Variants in FOXP2 observed in about 807,000 individuals in gnomAD.
The protein encoded by FOXP2 is forkhead box P2, also known as forkhead box protein P2.
In FOXP2, 12 loss-of-function variants were observed where a neutral mutation model predicts 115.8. The ratio of observed to expected loss-of-function variants is 0.10; its 90% CI spans 0.07 to 0.17. The LOEUF is 0.17. FOXP2 is among the 10% of genes least tolerant of loss of function. The pLI, the probability that FOXP2 is intolerant of heterozygous loss-of-function variation, is 1.00. For synonymous variants in FOXP2, 328 were observed against 297.7 expected, an observed-to-expected ratio of 1.10 and a Z score of -1.05; for missense variants, 629 against 843.5, an observed-to-expected ratio of 0.75 and a Z score of 3.15.
In FOXP2 at chr7:114,692,159, G is replaced by A. The variant is rs1281731348; in HGVS notation, c.*2233G>A. 2 of 453,824 alleles carry A rather than the reference G, an allele frequency of 4.4e-6. No individual in the cohort carries two copies. Among genetic ancestry groups the A allele is most frequent in the Admixed American group, 4.7e-5 (2 of 42,516 alleles). The allele number at this position is 453,824 out of a possible 1,614,324, so 28.1% of individuals were successfully genotyped here. A position where few individuals can be genotyped will look rare whatever the true frequency, so the allele number is the denominator to read the frequency against. ...TAAGGATTATCTGAAAGGAAAAATG[G>A]GTCTTTCAGGTGCATGTTCAAAAGG... On this transcript the variant is annotated 3_prime_UTR_variant, in exon 17 of 17. Transcript: ENST00000350908.
intron 3 of FOXP2, among the ~76,000 whole-genome samples, chr7:114,586,418 A>C (rs1291509984): frequency 6.6e-6 from 1 of 151,934 alleles, no homozygotes; most frequent in East Asian, 1.9e-4. Flanking sequence ...TAGTAATTTT[A>C]CTCTTCTATT....
intron 1 of FOXP2, among the ~76,000 whole-genome samples, chr7:114,228,367 C>G (rs1794793555): frequency 1.3e-5 from 2 of 152,070 alleles, no homozygotes; most frequent in Middle Eastern, 3.4e-3. Context: ...CCTTTATTAG[C>G]TTTTCATGTA....
intron 1 of FOXP2, among the ~76,000 whole-genome samples, chr7:114,154,340 T>C (rs935929372): frequency 4.6e-5 from 7 of 152,030 alleles, no homozygotes; most frequent in Non-Finnish European, 8.8e-5. Flanking sequence ...GGTGGGTTTT[T>C]TTTTTCCACC....
intron 1 of FOXP2, among the ~76,000 whole-genome samples, chr7:114,207,719 G>T (rs1167042081): frequency 1.3e-5 from 2 of 152,078 alleles, no homozygotes; most frequent in Admixed American, 6.5e-5. Flanking sequence ...AGTATGTTAA[G>T]GTTTATAGCA....
chr7:114,584,372 C>A (rs1802021955), intron 3 of FOXP2, among the ~76,000 whole-genome samples: 1 of 152,140 alleles, frequency 6.6e-6, no homozygotes, highest in Non-Finnish European at 1.5e-5. Flanking sequence ...CCACTGCAAA[C>A]AAGCACACAA....
rs201964342 is a variant in FOXP2 at position 114,530,067 on chromosome 7, A to AT, written c.169-4541dup. 1.1e-4 allele frequency among the ~76,000 whole-genome samples: 17 copies of AT among 151,142 alleles called. No individual in the cohort carries two copies. The South Asian group carries it at 1.9e-3, about 17-fold the overall frequency. On this transcript the variant is annotated intron_variant, in intron 2 of 16. Coordinates refer to ENST00000350908, the MANE Select transcript of FOXP2 (RefSeq NM_014491.4). ...CAAAAATCTGGGTGTCCTGCTGGCA[A>AT]TTTTTTTTTGGTTCTGGTTATCTGC...
chr7:114,382,431 G>A (rs576177371), intron 2 of FOXP2, among the ~76,000 whole-genome samples: 29 of 152,294 alleles, frequency 1.9e-4, no homozygotes, highest in Admixed American at 6.5e-5. Flanking sequence ...GACATAAGGG[G>A]CATGGACGAG....
At position 114,571,165 on chromosome 7, in the gene FOXP2, T is replaced by C. The variant is rs368587748; in HGVS notation, c.258+36459T>C. Among the ~76,000 whole-genome samples the C allele has an allele frequency of 3.3e-5, 5 of 152,028 alleles. No homozygotes were observed. In the South Asian group the frequency reaches 1.0e-3, roughly 31 times the overall value. On this transcript the variant is annotated intron_variant, in intron 3 of 16. Coordinates refer to ENST00000350908, the MANE Select transcript of FOXP2 (RefSeq NM_014491.4). ...ACACCACTATACTTTTCTTGAACTT[T>C]TAGGAATAATTTGATGAGGGAGTGT...
intron 1 of FOXP2, among the ~76,000 whole-genome samples, chr7:114,134,451 C>T (rs1377639148): frequency 6.6e-6 from 1 of 152,080 alleles, no homozygotes; most frequent in Non-Finnish European, 1.5e-5. Context: ...GCTATTTGTA[C>T]GCCTGTAATC....
intron 2 of FOXP2, among the ~76,000 whole-genome samples, chr7:114,362,972 T>C (rs1481114394): frequency 1.3e-5 from 2 of 152,036 alleles, no homozygotes; most frequent in Non-Finnish European, 2.9e-5. Flanking sequence ...CCTATCATTT[T>C]CAACATTTCT....
rs114799775 is a variant in FOXP2, at chr7:114,437,295, T to C, written c.168+10616T>C. 6.3e-3 allele frequency among the ~76,000 whole-genome samples: 965 copies of C among 152,318 alleles called. 10 individuals carry two copies. The highest frequency in any genetic ancestry group is 0.022 in the African/African-American group (915 of 41,574). On this transcript the variant is annotated intron_variant, in intron 2 of 16. Coordinates refer to ENST00000350908, the MANE Select transcript of FOXP2 (RefSeq NM_014491.4). ...TCTTATGAAATGCTAAATATGGCAC[T>C]AAAATATACCTTTGTAGTTTGTAAG...
chr7:114,198,996 A>T (rs1007406136), intron 1 of FOXP2, among the ~76,000 whole-genome samples: 1 of 152,048 alleles, frequency 6.6e-6, no homozygotes, highest in Non-Finnish European at 1.5e-5. Context: ...TGCATTATGG[A>T]GGGTAATATA....
intron 2 of FOXP2, among the ~76,000 whole-genome samples, chr7:114,328,233 C>CTTT (rs1193894946): frequency 1.6e-3 from 204 of 129,568 alleles, no homozygotes; most frequent in African/African-American, 5.7e-3. Flanking sequence ...CTTTTCTTTT[C>CTTT]TTTTTTTTTT....
intron 1 of FOXP2, among the ~76,000 whole-genome samples, chr7:114,114,901 C>T (rs1791362128): frequency 6.6e-6 from 1 of 152,036 alleles, no homozygotes; most frequent in South Asian, 2.1e-4. Flanking sequence ...GGAAGAAGAA[C>T]TGAAACAAGG....
intron 16 of FOXP2, among the ~76,000 whole-genome samples, chr7:114,683,072 C>A (rs1324643638): frequency 6.6e-6 from 1 of 152,074 alleles, no homozygotes; most frequent in Non-Finnish European, 1.5e-5. Flanking sequence ...AACATTGTAG[C>A]CATTGGGGAA....
At chr7:114,232,157 A>C (rs1794894386) in intron 1 of FOXP2, among the ~76,000 whole-genome samples, 1 of 152,166 alleles carries the variant, frequency 6.6e-6, no homozygotes, top group African/African-American at 2.4e-5. Context: ...CTCACAAAGA[A>C]ATACCACCTC....
At chr7:114,507,965 G>C (rs1005808284) in intron 2 of FOXP2, among the ~76,000 whole-genome samples, 1 of 151,828 alleles carries the variant, frequency 6.6e-6, no homozygotes, top group Non-Finnish European at 1.5e-5. Context: ...GAGAACAAAT[G>C]ATAACATTCA....
Position 114,464,458 on chromosome 7 carries a change from T to C in FOXP2, c.168+37779T>C, listed in dbSNP as rs574338729. Reference sequence around the variant, plus strand: ...AAAAAAGAAAAAAACGTGTTGTAGGTTGTCTGTATGAAAGTAATTGAAAAG... The same window carrying C: ...AAAAAAGAAAAAAACGTGTTGTAGGCTGTCTGTATGAAAGTAATTGAAAAG... On this transcript the variant is annotated intron_variant, in intron 2 of 16. Coordinates refer to ENST00000350908, the MANE Select transcript of FOXP2 (RefSeq NM_014491.4). Among the ~76,000 whole-genome samples, 120 of 152,322 alleles carry C rather than the reference T, an allele frequency of 7.9e-4. 2 individuals carry two copies. The South Asian group carries it at 0.024, about 31-fold the overall frequency.
chr7:114,403,503 CA>C (rs1792943976), intron 2 of FOXP2, among the ~76,000 whole-genome samples: 1 of 152,134 alleles, frequency 6.6e-6, no homozygotes, highest in South Asian at 2.1e-4. Context: ...TATAAGTTAA[CA>C]GTCTTTTTGC....
Sources: allele counts gnomAD v4.1 joint callset (sites outside exome capture counted in the v4.1 genomes callset), GRCh38; gene constraint gnomAD v4.1.1; transcripts MANE v1.5; gene names NCBI Gene and HGNC (gene_info 2026-07-23, HGNC 2026-07-21).